The following ANTXR1 variants were observed in gnomAD, a reference collection of about 807,000 sequenced individuals.
ANTXR1 encodes ANTXR cell adhesion molecule 1.
In ANTXR1, 19 loss-of-function variants were observed where a neutral mutation model predicts 78.1. The ratio of observed to expected loss-of-function variants is 0.24; its 90% CI spans 0.17 to 0.36. The LOEUF (loss-of-function observed/expected upper bound fraction) is 0.36, where lower values mean the gene tolerates loss of function less well. ANTXR1 is among the 10% of genes least tolerant of loss of function. The pLI is 1.00. For synonymous variants in ANTXR1, 273 were observed against 260.5 expected (o/e 1.05, Z -0.46); for missense variants, 518 against 718.6 (o/e 0.72, Z 3.19).
intron 3 of ANTXR1, among the ~76,000 whole-genome samples, chr2:69,067,452 T>G (rs1371313044): frequency 6.6e-6 from 1 of 151,306 alleles, no homozygotes; most frequent in African/African-American, 2.4e-5. Context: ...AGCCTTTTTT[T>G]TTTTTTTTTT....
intron 3 of ANTXR1, among the ~76,000 whole-genome samples, chr2:69,069,084 G>A (rs528265039): frequency 6.6e-6 from 1 of 152,252 alleles, no homozygotes; most frequent in South Asian, 2.1e-4. Flanking sequence ...AGCATCAGCA[G>A]CCCAGGGACA....
chr2:69,044,392 C>A (rs1281913720), intron 2 of ANTXR1, among the ~76,000 whole-genome samples: 3 of 152,134 alleles, frequency 2.0e-5, no homozygotes, highest in Non-Finnish European at 4.4e-5. Context: ...CTATCGGGAT[C>A]CCCTTTTATA....
intron 12 of ANTXR1, among the ~76,000 whole-genome samples, chr2:69,132,527 G>C (rs1672781513): frequency 6.6e-6 from 1 of 152,246 alleles, no homozygotes; most frequent in Non-Finnish European, 1.5e-5. Flanking sequence ...CAGCCCGGTA[G>C]GGAGTGAATT....
At chr2:69,187,377 G>C (rs1674444410) in intron 16 of ANTXR1, among the ~76,000 whole-genome samples, 1 of 151,748 alleles carries the variant, frequency 6.6e-6, no homozygotes, top group Admixed American at 6.6e-5. Flanking sequence ...TCAGACAAGT[G>C]AAGTCATGCC....
chr2:69,062,561 G>GC (rs1052586638), intron 3 of ANTXR1, among the ~76,000 whole-genome samples: 8 of 152,160 alleles, frequency 5.3e-5, no homozygotes, highest in African/African-American at 1.9e-4. Flanking sequence ...CTAATGATCA[G>GC]CCCCTCGCCC....
chr2:69,103,327 C>G (rs1253525356), intron 10 of ANTXR1: 6 of 333,652 alleles, frequency 1.8e-5, no homozygotes, highest in Non-Finnish European at 2.9e-5. Context: ...TTAATTAGGA[C>G]TGCAGAAACA....
chr2:69,157,710 T>C (rs76847114), intron 13 of ANTXR1, among the ~76,000 whole-genome samples: 1,775 of 152,278 alleles, frequency 0.012, 13 homozygotes, highest in Middle Eastern at 0.041. Context: ...AGTAGTTGCT[T>C]AAGAAATATT....
chr2:69,014,077 TTTTG>T (rs1281408503), intron 1 of ANTXR1, among the ~76,000 whole-genome samples: 1 of 152,124 alleles, frequency 6.6e-6, no homozygotes, highest in African/African-American at 2.4e-5. Flanking sequence ...CGCATTTTGT[TTTTG>T]TTTTTGTTTT....
intron 6 of ANTXR1, 108 bp downstream of exon 6, chr2:69,073,209 C>T: frequency 1.1e-6 from 1 of 926,080 alleles, no homozygotes; most frequent in South Asian, 1.3e-5. Context: ...TTTGCAAATC[C>T]CCTGAATGAA....
At chr2:69,131,957 G>A (rs1162845749) in intron 12 of ANTXR1, among the ~76,000 whole-genome samples, 4 of 152,200 alleles carry the variant, frequency 2.6e-5, no homozygotes, top group Non-Finnish European at 4.4e-5. Flanking sequence ...TCCAGTAGGA[G>A]CAGACCCCTG....
intron 17 of ANTXR1, among the ~76,000 whole-genome samples, chr2:69,205,974 C>A (rs1208139031): frequency 3.3e-5 from 5 of 152,230 alleles, no homozygotes; most frequent in Non-Finnish European, 5.9e-5. Flanking sequence ...TCTCACTTTA[C>A]AAATTCGTTC....
intron 17 of ANTXR1, 76 bp downstream of exon 17, chr2:69,193,491 A>ACG (rs35945027): frequency 7.8e-7 from 1 of 1,285,552 alleles, no homozygotes; most frequent in Non-Finnish European, 1.1e-6. Context: ...ACACACACAC[A>ACG]TATTCTTTTT....
rs1310401883 is a variant in ANTXR1, at chr2:69,124,621, T to A, written c.929T>A (p.Val310Asp). 1 of 1,614,216 alleles carries A rather than the reference T, an allele frequency of 6.2e-7. No individual in the cohort carries two copies. Among genetic ancestry groups the A allele is most frequent in the Admixed American group, 1.7e-5 (1 of 60,028 alleles). The change falls in exon 12 of 18, where the codon GTC becomes GAC. Residue 310 changes from valine (V) to aspartate (D), a missense_variant. Physicochemically the swap from Val to Asp is radical, Grantham distance 152. Around this residue, in one of 5 missense-constraint regions of ANTXR1, gnomAD observed 264 missense variants for 391.8 expected, o/e 0.67. Coordinates refer to ENST00000303714, the MANE Select transcript of ANTXR1 (RefSeq NM_032208.3). ...NDGLSFISSSVIITTTHCSDG... is the reference protein window; with the variant it reads ...NDGLSFISSSDIITTTHCSDG... ...GGCCTCTCTTTTATCTCCAGTTCTG[T>A]CATCATCACCACCACACACTGTGTA...
At chr2:69,165,961 G>A (rs1404076946) in intron 13 of ANTXR1, among the ~76,000 whole-genome samples, 2 of 152,150 alleles carry the variant, frequency 1.3e-5, no homozygotes, top group Non-Finnish European at 2.9e-5. Flanking sequence ...AATTATTAGA[G>A]AGCGCTTTAC....
intron 9 of ANTXR1, among the ~76,000 whole-genome samples, chr2:69,093,568 G>C (rs557235015): frequency 6.6e-6 from 1 of 152,060 alleles, no homozygotes; most frequent in South Asian, 2.1e-4. Flanking sequence ...CTCATCAAGT[G>C]AAAAAGAAAA....
chr2:69,239,296 C>G (rs757536525), intron 17 of ANTXR1, among the ~76,000 whole-genome samples: 1 of 152,138 alleles, frequency 6.6e-6, no homozygotes, highest in African/African-American at 2.4e-5. Flanking sequence ...AGGCCAGGTG[C>G]GGTGGCTCAC....
intron 7 of ANTXR1, 71 bp from the exon 8 acceptor site, chr2:69,077,337 G>A (rs754432795): frequency 1.5e-5 from 23 of 1,560,482 alleles, no homozygotes; most frequent in Non-Finnish European, 1.9e-5. Context: ...TAGCCCCAAC[G>A]GCTTTCCTAA....
At chr2:69,068,266 GA>G (rs1021454548) in intron 3 of ANTXR1, among the ~76,000 whole-genome samples, 1 of 152,194 alleles carries the variant, frequency 6.6e-6, no homozygotes, top group Non-Finnish European at 1.5e-5. Flanking sequence ...GTCTAGAACT[GA>G]AACAAACAAA....
In ANTXR1 at chr2:69,182,672, T is replaced by C. The variant is rs747994881; in HGVS notation, c.1353+12T>C. The stretch of plus-strand genomic sequence containing the variant: ...ACTCTCCAATCAAGGTGTGTCTCTT[T>C]ACTCAAAAAATCTATCATCAGTCCT... On this transcript the variant is annotated intron_variant, in intron 16 of 17. Coordinates refer to ENST00000303714, the MANE Select transcript of ANTXR1 (RefSeq NM_032208.3). The C allele has an allele frequency of 6.2e-7, 1 of 1,614,150 alleles. No individual in the cohort carries two copies. The highest frequency in any genetic ancestry group is 8.5e-7 in the Non-Finnish European group (1 of 1,180,010).
Sources: allele counts gnomAD v4.1 joint callset (sites outside exome capture counted in the v4.1 genomes callset), GRCh38; gene constraint gnomAD v4.1.1; regional missense constraint gnomAD v4.1.1; transcripts MANE v1.5; gene names NCBI Gene and HGNC (gene_info 2026-07-23, HGNC 2026-07-21).